OTOGL: variants seen among roughly 807,000 people sequenced by gnomAD.
OTOGL encodes the protein otogelin-like protein.
Under a neutral mutation model 318.5 loss-of-function variants are expected in OTOGL, and 285 were observed. The ratio of observed to expected loss-of-function variants is 0.89; its 90% CI spans 0.81 to 0.99. The LOEUF is 0.99. Among genes scored for constraint, OTOGL ranks in the 50% least tolerant of loss-of-function variants. The pLI is 0.00. For synonymous variants in OTOGL, 987 were observed against 936.5 expected (o/e 1.05, Z -0.99); for missense variants, 2,899 against 2,845.6 (o/e 1.02, Z -0.43).
At chr12:80,369,278 A>G (rs752570122) in intron 55 of OTOGL, among the ~76,000 whole-genome samples, 6 of 152,068 alleles carry the variant, frequency 3.9e-5, no homozygotes, top group Non-Finnish European at 8.8e-5. Context: ...CGTGTAATGT[A>G]AGGTTTCATG....
rs755582302 is a variant in OTOGL at position 80,336,895 on chromosome 12, A to C, written c.4768-17A>C. Reference sequence around the variant, plus strand: ...TTGTGTTTAACTCCGTAAAGTTTTAATTTTTTTCAAATTAAGGCTCCCTCT... The same window carrying C: ...TTGTGTTTAACTCCGTAAAGTTTTACTTTTTTTCAAATTAAGGCTCCCTCT... On this transcript the variant is annotated splice_polypyrimidine_tract_variant and intron_variant, in intron 41 of 58. Transcript: ENST00000547103. 6.4e-7 allele frequency: 1 copy of C among 1,558,544 alleles called. No individual in the cohort carries two copies. The highest frequency in any genetic ancestry group is 1.9e-5 in the Admixed American group (1 of 53,004).
At chr12:80,333,953 G>T (rs546417765) in intron 38 of OTOGL, among the ~76,000 whole-genome samples, 1 of 152,286 alleles carries the variant, frequency 6.6e-6, no homozygotes, top group Admixed American at 6.5e-5. Context: ...AGACAATAAA[G>T]TAGATTATGT....
intron 1 of OTOGL, among the ~76,000 whole-genome samples, chr12:80,136,004 T>C (rs1871545788): frequency 6.6e-6 from 1 of 152,234 alleles, no homozygotes; most frequent in African/African-American, 2.4e-5. Context: ...CTCGCCAACC[T>C]TCATAATCAT....
intron 27 of OTOGL, among the ~76,000 whole-genome samples, chr12:80,297,627 C>A (rs1565963456): frequency 6.6e-6 from 1 of 152,164 alleles, no homozygotes; most frequent in Non-Finnish European, 1.5e-5. Flanking sequence ...GCCACCGTGT[C>A]CAGCCTTGTA....
chr12:80,287,593 C>T (rs752589490), intron 26 of OTOGL, among the ~76,000 whole-genome samples: 3 of 152,148 alleles, frequency 2.0e-5, no homozygotes, highest in East Asian at 1.9e-4. Context: ...GTATTGGGTG[C>T]GTATGTATTT....
Position 80,239,332 on chromosome 12 carries a change from G to A in OTOGL, c.946-1G>A, listed in dbSNP as rs752029155. ...AGTGACTGCCATCTTTTTTTGCACA[G>A]GCAATCTTCTTCAAGTGTCAGATAC... On this transcript the variant is annotated splice_acceptor_variant, in intron 10 of 58. Transcript: ENST00000547103. LOFTEE classifies it high-confidence loss of function. 9 of 1,596,140 alleles carry A rather than the reference G, an allele frequency of 5.6e-6. No individual in the cohort carries two copies. The South Asian group carries it at 1.0e-4, about 18-fold the overall frequency.
chr12:80,217,269 A>G (rs1219081239), intron 4 of OTOGL, among the ~76,000 whole-genome samples: 1 of 136,482 alleles, frequency 7.3e-6, no homozygotes, highest in Non-Finnish European at 1.6e-5. Context: ...AGGTGGGTGG[A>G]GGGATCGGGG....
chr12:80,285,189 G>GATAT (rs1312722953), intron 26 of OTOGL, among the ~76,000 whole-genome samples: 7 of 152,006 alleles, frequency 4.6e-5, no homozygotes, highest in Non-Finnish European at 1.0e-4. Flanking sequence ...GGTGGTTGTA[G>GATAT]ATATGTGGCA....
At chr12:80,356,004 T>C (rs1889876170) in intron 47 of OTOGL, 56 bp downstream of exon 47, 1 of 1,558,064 alleles carries the variant, frequency 6.4e-7, no homozygotes, top group African/African-American at 1.4e-5. Flanking sequence ...TTGATATTCT[T>C]TGTGAAAAAG....
chr12:80,212,026 G>C, intron 4 of OTOGL, 29 bp downstream of exon 4: 1 of 1,541,338 alleles, frequency 6.5e-7, no homozygotes, highest in Non-Finnish European at 8.8e-7. Flanking sequence ...GGAGAGAGAG[G>C]CAGAGAAATA....
chr12:80,193,973 G>T (rs1875873364), intron 1 of OTOGL, among the ~76,000 whole-genome samples: 1 of 152,180 alleles, frequency 6.6e-6, no homozygotes, highest in Admixed American at 6.5e-5. Flanking sequence ...TGGAGTTAGT[G>T]ATGGCACAGA....
chr12:80,203,325 T>G (rs1876586244), intron 1 of OTOGL, among the ~76,000 whole-genome samples: 1 of 152,100 alleles, frequency 6.6e-6, no homozygotes, highest in African/African-American at 2.4e-5. Context: ...TTTTCCATCT[T>G]CAAATTTTTT....
intron 1 of OTOGL, among the ~76,000 whole-genome samples, chr12:80,187,800 G>C (rs1421918837): frequency 2.0e-5 from 3 of 152,192 alleles, no homozygotes; most frequent in African/African-American, 7.2e-5. Flanking sequence ...TTGTGGGCTG[G>C]TGTCAGATAC....
intron 11 of OTOGL, among the ~76,000 whole-genome samples, chr12:80,243,843 TC>T (rs1880600399): frequency 7.3e-6 from 1 of 137,880 alleles, no homozygotes; most frequent in African/African-American, 3.1e-5. Flanking sequence ...TATAATATAA[TC>T]ATATATACAT....
At chr12:80,205,695 T>A (rs1705283870) in intron 1 of OTOGL, among the ~76,000 whole-genome samples, 1 of 152,216 alleles carries the variant, frequency 6.6e-6, no homozygotes, top group African/African-American at 2.4e-5. Context: ...TGAAATGTGT[T>A]AGGTTTAGTA....
intron 20 of OTOGL, 164 bp downstream of exon 20, chr12:80,265,374 A>T (rs1882873866): frequency 1.3e-6 from 1 of 777,936 alleles, no homozygotes; most frequent in Non-Finnish European, 2.0e-6. Flanking sequence ...ATAATATCTT[A>T]AGATTGGAGA....
At chr12:80,240,908 T>C (rs905427028) in intron 11 of OTOGL, among the ~76,000 whole-genome samples, 1 of 152,114 alleles carries the variant, frequency 6.6e-6, no homozygotes, top group Non-Finnish European at 1.5e-5. Context: ...ATTATTTTTC[T>C]TTCAAAACAT....
chr12:80,163,324 G>A (rs764658782), intron 1 of OTOGL, among the ~76,000 whole-genome samples: 70 of 151,526 alleles, frequency 4.6e-4, no homozygotes, highest in Non-Finnish European at 7.1e-4. Context: ...AAGAGAAAGA[G>A]GAAACAAATA....
intron 11 of OTOGL, among the ~76,000 whole-genome samples, chr12:80,244,148 G>T (rs55747266): frequency 1.3e-5 from 2 of 150,608 alleles, no homozygotes; most frequent in Non-Finnish European, 3.0e-5. Context: ...GAAGAAGGAC[G>T]AAAGTCCTAT....
Sources: gnomAD v4.1 joint callset for allele counts (sites outside exome capture counted in the v4.1 genomes callset) on GRCh38, gnomAD v4.1.1 for gene constraint, MANE v1.5 for transcripts, NCBI Gene and HGNC (gene_info 2026-07-23, HGNC 2026-07-21) for gene names.